FAT3: variants seen among roughly 807,000 people sequenced by gnomAD.
FAT3 encodes the protein protocadherin Fat 3.
A neutral mutation model predicts 310.2 loss-of-function variants in FAT3; 95 were observed. The ratio of observed to expected loss-of-function variants is 0.31; its 90% CI spans 0.26 to 0.36. The LOEUF (loss-of-function observed/expected upper bound fraction) is 0.36, where lower values mean the gene tolerates loss of function less well. FAT3 is among the 10% of genes least tolerant of loss of function. FAT3 has a pLI of 1.00. For synonymous variants in FAT3, 2,314 were observed against 2,192.9 expected (o/e 1.06, Z -1.54); for missense variants, 5,408 against 5,715.6 (o/e 0.95, Z 1.74).
intron 2 of FAT3, among the ~76,000 whole-genome samples, chr11:92,430,824 T>C (rs1176386850): frequency 1.3e-5 from 2 of 152,172 alleles, no homozygotes; most frequent in African/African-American, 4.8e-5. Context: ...TCCATGTCCC[T>C]ACAAGGGACA....
At chr11:92,573,719 G>C (rs796588250) in intron 3 of FAT3, among the ~76,000 whole-genome samples, 15 of 152,138 alleles carry the variant, frequency 9.9e-5, no homozygotes, top group African/African-American at 3.6e-4. Context: ...GAATTCCAAG[G>C]GTAGCCAGCA....
intron 2 of FAT3, among the ~76,000 whole-genome samples, chr11:92,445,135 C>A (rs1352516499): frequency 1.3e-5 from 2 of 152,148 alleles, no homozygotes; most frequent in African/African-American, 2.4e-5. Flanking sequence ...CTTTTAACCT[C>A]CCAAACTATG....
In FAT3 at chr11:92,225,084, G is replaced by C. The variant is rs1312359500; in HGVS notation, c.-108G>C. 6.6e-6 allele frequency among the ~76,000 whole-genome samples: 1 copy of C among 152,116 alleles called. No homozygotes were observed. Among genetic ancestry groups the C allele is most frequent in the African/African-American group, 2.4e-5 (1 of 41,440 alleles). ...CTGCGGCGGCAGCAGCCGGGGGACC[G>C]GCTCGCCCGGAGCAAGAGCGCCGAG... On this transcript the variant is annotated 5_prime_UTR_variant, in exon 1 of 28. Transcript: ENST00000525166.
chr11:92,254,594 A>G (rs1330010165), intron 1 of FAT3, among the ~76,000 whole-genome samples: 1 of 152,168 alleles, frequency 6.6e-6, no homozygotes, highest in African/African-American at 2.4e-5. Context: ...ATGTTAGGCT[A>G]GGAAGTAGAA....
chr11:92,466,347 C>T (rs919263196), intron 2 of FAT3, among the ~76,000 whole-genome samples: 4 of 152,016 alleles, frequency 2.6e-5, no homozygotes, highest in South Asian at 2.1e-4. Context: ...GAAGTGGAAA[C>T]GGAAAATGGA....
chr11:92,645,077 T>C (rs2135739290), intron 3 of FAT3, among the ~76,000 whole-genome samples: 1 of 152,346 alleles, frequency 6.6e-6, no homozygotes, highest in Admixed American at 6.5e-5. Context: ...TATACTTCAG[T>C]CCATGTTAAG....
At chr11:92,525,041 C>G in intron 3 of FAT3, 93 bp downstream of exon 3, 2 of 1,048,060 alleles carry the variant, frequency 1.9e-6, no homozygotes, top group Non-Finnish European at 2.8e-6. Context: ...ACTTTATTTT[C>G]TAAAGAATAG....
intron 21 of FAT3, among the ~76,000 whole-genome samples, chr11:92,861,850 T>C (rs1467192500): frequency 6.6e-6 from 1 of 152,234 alleles, no homozygotes. Flanking sequence ...TTGCACCTCT[T>C]GGTTGTTTAT....
intron 9 of FAT3, among the ~76,000 whole-genome samples, chr11:92,794,182 A>T (rs1947108727): frequency 6.6e-6 from 1 of 152,098 alleles, no homozygotes; most frequent in Admixed American, 6.6e-5. Context: ...TTTATTTTTC[A>T]CAGGACATTT....
intron 1 of FAT3, among the ~76,000 whole-genome samples, chr11:92,297,542 A>T (rs1324569455): frequency 6.6e-6 from 1 of 151,990 alleles, no homozygotes; most frequent in Admixed American, 6.6e-5. Flanking sequence ...GATCTTTCAG[A>T]CTCCTTTTAA....
intron 3 of FAT3, among the ~76,000 whole-genome samples, chr11:92,638,465 G>T (rs889897312): frequency 6.6e-6 from 1 of 152,134 alleles, no homozygotes. Context: ...TTACCTGTAA[G>T]TGAATTAAAA....
At chr11:92,300,411 G>C (rs1946967876) in intron 1 of FAT3, among the ~76,000 whole-genome samples, 1 of 152,080 alleles carries the variant, frequency 6.6e-6, no homozygotes, top group African/African-American at 2.4e-5. Context: ...AAAGGCTGGG[G>C]CTTTGTCTTA....
At chr11:92,455,414 C>G in intron 2 of FAT3, among the ~76,000 whole-genome samples, 1 of 152,046 alleles carries the variant, frequency 6.6e-6, no homozygotes, top group East Asian at 1.9e-4. Flanking sequence ...TGTGCGGTGT[C>G]GGCTGATATC....
chr11:92,279,336 T>C (rs1946361454), intron 1 of FAT3, among the ~76,000 whole-genome samples: 1 of 152,196 alleles, frequency 6.6e-6, no homozygotes, highest in Non-Finnish European at 1.5e-5. Flanking sequence ...GGTTCTTTAC[T>C]GTCTTTGGAA....
intron 2 of FAT3, among the ~76,000 whole-genome samples, chr11:92,435,622 G>A (rs1317842323): frequency 2.1e-5 from 3 of 146,224 alleles, no homozygotes; most frequent in Non-Finnish European, 4.5e-5. Flanking sequence ...CTGGAGTACA[G>A]TGGTGCCATC....
At chr11:92,346,729 A>G (rs1948431993) in intron 1 of FAT3, among the ~76,000 whole-genome samples, 1 of 152,166 alleles carries the variant, frequency 6.6e-6, no homozygotes, top group Non-Finnish European at 1.5e-5. Flanking sequence ...AGCTTTCAAT[A>G]TTAGCCCCAA....
intron 2 of FAT3, among the ~76,000 whole-genome samples, chr11:92,468,160 G>T (rs151154103): frequency 5.5e-4 from 83 of 152,292 alleles, no homozygotes; most frequent in African/African-American, 2.0e-3. Flanking sequence ...ATCAGGTTTT[G>T]CAGTTAAATG....
At position 92,389,482 on chromosome 11, in the gene FAT3, A is replaced by G. The variant is rs1388826533; in HGVS notation, c.3292+34078A>G. On this transcript the variant is annotated intron_variant, in intron 2 of 27. Coordinates refer to ENST00000525166, the MANE Select transcript of FAT3 (RefSeq NM_001367949.2). ...GGTAAGAAAATAAGTTGGCAAATTT[A>G]CAAGTATGGAGGAAAAGGCGTACAT... Among the ~76,000 whole-genome samples, 2 of 152,216 alleles carry G rather than the reference A, an allele frequency of 1.3e-5. 1 individual carries two copies.
rs1950013925 is a variant in FAT3, at chr11:92,895,686, T to C, written c.*4573T>C. The C allele has an allele frequency of 2.0e-5, 3 of 152,348 alleles. No individual in the cohort carries two copies. Among genetic ancestry groups the C allele is most frequent in the Admixed American group, 2.0e-4 (3 of 15,312 alleles). The allele number at this position is 152,348 out of a possible 1,614,324, so 9.4% of individuals were successfully genotyped here. ...TGTTTGGAAATGGAAGCAGTTCTTT[T>C]TAAGCACTGTATCAGAGAGATTGTC... On this transcript the variant is annotated 3_prime_UTR_variant, in exon 28 of 28. Transcript: ENST00000525166.
Sources: gnomAD v4.1 joint callset for allele counts (sites outside exome capture counted in the v4.1 genomes callset) on GRCh38, gnomAD v4.1.1 for gene constraint, MANE v1.5 for transcripts, NCBI Gene and HGNC (gene_info 2026-07-23, HGNC 2026-07-21) for gene names.